KCNG3: variants seen among roughly 807,000 people sequenced by gnomAD.
The protein encoded by KCNG3 is voltage-gated potassium channel regulatory subunit KCNG3.
A neutral mutation model predicts 29.0 loss-of-function variants in KCNG3; 15 were observed. The ratio of observed to expected loss-of-function variants is 0.52; its 90% CI spans 0.35 to 0.80. The LOEUF (loss-of-function observed/expected upper bound fraction) is 0.80, where lower values mean the gene tolerates loss of function less well. Ranked by LOEUF, KCNG3 falls within the 30% of genes least tolerant of loss-of-function variation. The pLI is 0.01. For synonymous variants in KCNG3, 322 were observed against 248.9 expected (o/e 1.29, Z -2.76); for missense variants, 512 against 605.7 (o/e 0.85, Z 1.62).
At chr2:42,490,918 T>C (rs960970554) in intron 1 of KCNG3, among the ~76,000 whole-genome samples, 5 of 152,206 alleles carry the variant, frequency 3.3e-5, no homozygotes, top group Non-Finnish European at 5.9e-5. Flanking sequence ...GCTTCCTCTG[T>C]AATGAGCAGC....
chr2:42,456,925 G>A (rs1197736430), intron 1 of KCNG3, among the ~76,000 whole-genome samples: 5 of 151,768 alleles, frequency 3.3e-5, no homozygotes, highest in African/African-American at 1.2e-4. Context: ...GGTTAAATAG[G>A]AAAAAAGTAG....
At chr2:42,487,941 C>G (rs535609542) in intron 1 of KCNG3, among the ~76,000 whole-genome samples, 3 of 152,174 alleles carry the variant, frequency 2.0e-5, no homozygotes, top group African/African-American at 7.2e-5. Flanking sequence ...ATGGAATGAT[C>G]TACATGACAC....
chr2:42,445,389 G>A (rs1357427689), intron 1 of KCNG3, among the ~76,000 whole-genome samples: 4 of 152,072 alleles, frequency 2.6e-5, no homozygotes, highest in Non-Finnish European at 4.4e-5. Context: ...TTCCTAAAAC[G>A]TGAATCGTCC....
At chr2:42,446,744 C>T (rs1263746362) in intron 1 of KCNG3, among the ~76,000 whole-genome samples, 1 of 152,078 alleles carries the variant, frequency 6.6e-6, no homozygotes, top group African/African-American at 2.4e-5. Flanking sequence ...TATTGTAGGG[C>T]TTTACAGGGC....
At chr2:42,439,107 G>T (rs148926865), downstream of KCNG3, among the ~76,000 whole-genome samples, 1 of 152,094 alleles carries the variant, frequency 6.6e-6, no homozygotes, top group African/African-American at 2.4e-5. Context: ...GTGGATGAGT[G>T]CACAACTGTA....
In KCNG3 at chr2:42,443,823, A is replaced by C; in HGVS notation, c.*111T>G. The C allele has an allele frequency of 9.8e-7, 1 of 1,021,882 alleles. No homozygotes were observed. The allele number at this position is 1,021,882 out of a possible 1,614,324, so 63.3% of individuals were successfully genotyped here. On this transcript the variant is annotated 3_prime_UTR_variant, in exon 2 of 2. Coordinates refer to ENST00000306078, the MANE Select transcript of KCNG3 (RefSeq NM_133329.6). ...GGCTGGGAAGGATAATTTTTACCCT[A>C]CCAAGATGATGACAATGCCACTGCA...
intron 1 of KCNG3, among the ~76,000 whole-genome samples, chr2:42,480,759 A>T (rs1673561545): frequency 2.1e-5 from 1 of 47,798 alleles, no homozygotes; most frequent in Non-Finnish European, 4.0e-5. Context: ...ACCCCATCTT[A>T]AAAAAAAAAA....
the KCNG3 span, among the ~76,000 whole-genome samples, chr2:42,415,241 G>A: frequency 6.6e-6 from 1 of 152,110 alleles, no homozygotes; most frequent in Non-Finnish European, 1.5e-5. Flanking sequence ...TCCAGATCAT[G>A]CACTACCTTA....
chr2:42,390,768 A>T, the KCNG3 span, among the ~76,000 whole-genome samples: 1 of 152,246 alleles, frequency 6.6e-6, no homozygotes, highest in East Asian at 1.9e-4. Flanking sequence ...TCAGTGAGCT[A>T]TTAGAACAGC....
the KCNG3 span, among the ~76,000 whole-genome samples, chr2:42,396,387 G>A: frequency 6.6e-6 from 1 of 152,114 alleles, no homozygotes; most frequent in African/African-American, 2.4e-5. Context: ...CTAGGTGTGG[G>A]GAAGTATTGG....
Position 42,473,889 on chromosome 2 carries a change from C to T in KCNG3, c.665+18948G>A, listed in dbSNP as rs530072212. Among the ~76,000 whole-genome samples, 48 of 152,036 alleles carry T rather than the reference C, an allele frequency of 3.2e-4. 2 individuals carry two copies. The South Asian group carries it at 9.6e-3, about 30-fold the overall frequency. ...AGGTTAGGCCAGGCGCGGTGGCTCA[C>T]GCCTGTAATCCCACCACTTTGGGAA... On this transcript the variant is annotated intron_variant, in intron 1 of 1. Transcript: ENST00000306078.
intron 1 of KCNG3, among the ~76,000 whole-genome samples, chr2:42,464,241 C>T (rs751354438): frequency 1.3e-5 from 2 of 152,148 alleles, no homozygotes; most frequent in East Asian, 1.9e-4. Flanking sequence ...TCTACGCACA[C>T]AAAGTTTCCA....
intron 1 of KCNG3, among the ~76,000 whole-genome samples, chr2:42,489,301 A>T (rs768183824): frequency 1.8e-4 from 27 of 152,036 alleles, no homozygotes; most frequent in South Asian, 4.1e-4. Flanking sequence ...GAGGTGGGAA[A>T]ATCACCTGAC....
the KCNG3 span, chr2:42,413,756 G>C: frequency 6.5e-6 from 1 of 152,742 alleles, no homozygotes; most frequent in African/African-American, 2.4e-5. Flanking sequence ...GCAAGGAGAA[G>C]TGCCCTGCAA....
chr2:42,444,067 C>G lies in KCNG3; in HGVS notation c.1178G>C (p.Cys393Ser). The change falls in exon 2 of 2, where the codon TGT becomes TCT. Residue 393 changes from cysteine to serine, a missense_variant. By Grantham distance (112) the Cys-to-Ser change is moderately radical. Transcript: ENST00000306078. This position sits in a 1 kb window ranked among gnomAD's most constrained non-coding sequence, Gnocchi z 5.8. ...TVPGRILGGV[C>S]VVSGIVLLAL... ...CAATAGAACAATTCCACTGACAACA[C>G]AAACTCCTCCAAGAATTCTTCCAGG... The G allele has an allele frequency of 6.2e-7, 1 of 1,614,206 alleles. No individual in the cohort carries two copies. The highest frequency in any genetic ancestry group is 8.5e-7 in the Non-Finnish European group (1 of 1,180,038).
At position 42,442,219 on chromosome 2, in the gene KCNG3, G is replaced by A. The variant is rs1394788205; in HGVS notation, c.*1715C>T. 3 of 152,064 alleles carry A rather than the reference G, an allele frequency of 2.0e-5. No homozygotes were observed. The highest frequency in any genetic ancestry group is 7.2e-5 in the African/African-American group (3 of 41,408). The allele number at this position is 152,064 out of a possible 1,614,324, so 9.4% of individuals were successfully genotyped here. On this transcript the variant is annotated 3_prime_UTR_variant, in exon 2 of 2. Transcript: ENST00000306078. ...AAGAAGTAGCATACTAGCAGTAATA[G>A]GGAAAATAGGGCAAGATATTTAATG...
the KCNG3 span, among the ~76,000 whole-genome samples, chr2:42,389,394 C>T: frequency 1.3e-5 from 2 of 152,210 alleles, no homozygotes; most frequent in South Asian, 4.1e-4. Context: ...ACCAACTTTA[C>T]TCAGAGTGCT....
the KCNG3 span, among the ~76,000 whole-genome samples, chr2:42,430,339 G>T: frequency 9.2e-4 from 139 of 151,418 alleles, no homozygotes; most frequent in Non-Finnish European, 1.4e-3. Context: ...CTGCACCCAG[G>T]CCTGGGCAAC....
At chr2:42,410,408 T>C in the KCNG3 span, among the ~76,000 whole-genome samples, 3 of 152,184 alleles carry the variant, frequency 2.0e-5, no homozygotes, top group African/African-American at 7.2e-5. Flanking sequence ...GTTGAAACAA[T>C]TTATAATCCC....
Sources: allele counts gnomAD v4.1 joint callset (sites outside exome capture counted in the v4.1 genomes callset), GRCh38; gene constraint gnomAD v4.1.1; non-coding constraint Gnocchi (gnomAD v3.1); transcripts MANE v1.5; gene names NCBI Gene and HGNC (gene_info 2026-07-23, HGNC 2026-07-21).